Variants in SEMA5A observed in about 807,000 individuals in gnomAD.
SEMA5A encodes the protein semaphorin 5A.
SEMA5A carries 55 observed loss-of-function variants against 135.5 expected under a neutral mutation model. That is an observed-to-expected ratio of 0.41 (90% confidence interval 0.33 to 0.51). SEMA5A has a LOEUF of 0.51. SEMA5A is among the 20% of genes least tolerant of loss of function. The probability of loss-of-function intolerance (pLI) is 0.37; values close to 1 mark genes in which losing one functional copy is unlikely to be tolerated. For synonymous variants in SEMA5A, 580 were observed against 546.5 expected, an observed-to-expected ratio of 1.06 and a Z score of -0.85; for missense variants, 1,290 against 1,419.9, an observed-to-expected ratio of 0.91 and a Z score of 1.47.
At chr5:9,227,619 C>T (rs538374637) in intron 6 of SEMA5A, among the ~76,000 whole-genome samples, 2 of 142,682 alleles carry the variant, frequency 1.4e-5, no homozygotes, top group African/African-American at 2.6e-5. Flanking sequence ...GGTGCAAATT[C>T]GGCTCACTGC....
chr5:9,138,347 CTATA>C (rs1329775153), intron 12 of SEMA5A, among the ~76,000 whole-genome samples: 1 of 151,956 alleles, frequency 6.6e-6, no homozygotes, highest in Non-Finnish European at 1.5e-5. Context: ...GTACACATAT[CTATA>C]TATACATATA....
chr5:9,320,242 C>A (rs1752568446), intron 4 of SEMA5A, among the ~76,000 whole-genome samples: 1 of 152,232 alleles, frequency 6.6e-6, no homozygotes, highest in Non-Finnish European at 1.5e-5. Context: ...CCCAGAAGCA[C>A]TGCTTGGCAC....
rs1203106306 is a variant in SEMA5A, at chr5:9,134,077, C to T, written c.1599+2427G>A. On this transcript the variant is annotated intron_variant, in intron 13 of 22. Coordinates refer to ENST00000382496, the MANE Select transcript of SEMA5A (RefSeq NM_003966.3). ...ATGCTTGCTTCTTCTTCACTTTCTG[C>T]CATGATTGTAAGTTTTCTGAGGCCT... 1.3e-5 allele frequency among the ~76,000 whole-genome samples: 2 copies of T among 152,132 alleles called. 1 individual carries two copies. Among genetic ancestry groups the T allele is most frequent in the Middle Eastern group, 6.3e-3 (2 of 316 alleles).
chr5:9,195,362 G>A (rs1220373253), intron 10 of SEMA5A, among the ~76,000 whole-genome samples: 1 of 152,104 alleles, frequency 6.6e-6, no homozygotes, highest in Admixed American at 6.5e-5. Context: ...TGTAGAGACA[G>A]GGTCTCACTC....
chr5:9,047,476 T>G (rs1025747508), intron 21 of SEMA5A, among the ~76,000 whole-genome samples: 2 of 152,202 alleles, frequency 1.3e-5, no homozygotes, highest in African/African-American at 2.4e-5. Flanking sequence ...ATTTTCTGCA[T>G]GGGGAAAGCA....
At chr5:9,242,535 T>TGA (rs1366274956) in intron 5 of SEMA5A, among the ~76,000 whole-genome samples, 1 of 152,222 alleles carries the variant, frequency 6.6e-6, no homozygotes, top group African/African-American at 2.4e-5. Flanking sequence ...AAACATCTTA[T>TGA]GTTCTCACTG....
intron 5 of SEMA5A, among the ~76,000 whole-genome samples, chr5:9,313,212 T>C (rs527515580): frequency 3.3e-5 from 5 of 152,082 alleles, no homozygotes; most frequent in Admixed American, 2.0e-4. Flanking sequence ...GAGAAAAAAT[T>C]TGGGAGAGAG....
intron 4 of SEMA5A, among the ~76,000 whole-genome samples, chr5:9,324,348 G>A (rs371291125): frequency 6.6e-5 from 10 of 152,174 alleles, no homozygotes; most frequent in African/African-American, 1.2e-4. Flanking sequence ...GATTACAGGC[G>A]TGAGCCACCG....
intron 5 of SEMA5A, among the ~76,000 whole-genome samples, chr5:9,279,782 C>T (rs1172486957): frequency 6.6e-6 from 1 of 152,116 alleles, no homozygotes; most frequent in Non-Finnish European, 1.5e-5. Context: ...GAAAGACATG[C>T]TTGCTTTCCC....
intron 5 of SEMA5A, among the ~76,000 whole-genome samples, chr5:9,304,511 G>T (rs1490331943): frequency 2.5e-5 from 1 of 39,710 alleles, no homozygotes; most frequent in Non-Finnish European, 1.1e-4. Context: ...AAATCTGCAA[G>T]ATCTAAAATA....
chr5:9,274,356 C>CA (rs1750144601), intron 5 of SEMA5A, among the ~76,000 whole-genome samples: 1 of 152,040 alleles, frequency 6.6e-6, no homozygotes, highest in Non-Finnish European at 1.5e-5. Flanking sequence ...TAGAGACCTA[C>CA]AAAGAGACTT....
chr5:9,237,114 G>A (rs1747953203), intron 6 of SEMA5A, among the ~76,000 whole-genome samples: 1 of 152,110 alleles, frequency 6.6e-6, no homozygotes, highest in African/African-American at 2.4e-5. Context: ...GGAAGTCTGT[G>A]CTCCAATATA....
At chr5:9,224,915 G>T in intron 7 of SEMA5A, 28 bp from the exon 8 acceptor site, 3 of 1,588,904 alleles carry the variant, frequency 1.9e-6, no homozygotes, top group Non-Finnish European at 2.6e-6. Flanking sequence ...AGGGAAAGCA[G>T]TTATCTCTGC....
chr5:9,273,859 C>T (rs1000887432), intron 5 of SEMA5A, among the ~76,000 whole-genome samples: 2 of 152,020 alleles, frequency 1.3e-5, no homozygotes, highest in Non-Finnish European at 2.9e-5. Context: ...TGGAAAGGAA[C>T]AACCAGTACC....
At chr5:9,423,769 C>T (rs1757552417) in intron 2 of SEMA5A, among the ~76,000 whole-genome samples, 1 of 152,204 alleles carries the variant, frequency 6.6e-6, no homozygotes, top group Admixed American at 6.5e-5. Context: ...GGCTCTCTGG[C>T]CTGCATCACT....
chr5:9,346,832 G>T (rs2150740784), intron 3 of SEMA5A, among the ~76,000 whole-genome samples: 1 of 151,918 alleles, frequency 6.6e-6, no homozygotes, highest in East Asian at 1.9e-4. Context: ...GAAATATCTG[G>T]CTTCATACAC....
Position 9,458,793 on chromosome 5 carries a change from C to A in SEMA5A, c.-174-20941G>T, listed in dbSNP as rs552955774. 1.5e-4 allele frequency among the ~76,000 whole-genome samples: 23 copies of A among 152,304 alleles called. No individual in the cohort carries two copies. The South Asian group carries it at 3.7e-3, about 25-fold the overall frequency. ...GTATGAGCATCAATTTGGGAGGAAC[C>A]CAATGACAAACGACAGATACAAGTA... On this transcript the variant is annotated intron_variant, in intron 1 of 22. Coordinates refer to ENST00000382496, the MANE Select transcript of SEMA5A (RefSeq NM_003966.3).
intron 11 of SEMA5A, among the ~76,000 whole-genome samples, chr5:9,166,599 C>T (rs1743621916): frequency 6.6e-6 from 1 of 152,142 alleles, no homozygotes; most frequent in Non-Finnish European, 1.5e-5. Context: ...TGTACATATG[C>T]CAGGAGGAGA....
chr5:9,465,528 G>A (rs183600398), intron 1 of SEMA5A, among the ~76,000 whole-genome samples: 1 of 152,296 alleles, frequency 6.6e-6, no homozygotes, highest in Admixed American at 6.5e-5. Flanking sequence ...GTGCTGTAAG[G>A]CAAAACTTGA....
Sources: gnomAD v4.1 joint callset for allele counts (sites outside exome capture counted in the v4.1 genomes callset) on GRCh38, gnomAD v4.1.1 for gene constraint, MANE v1.5 for transcripts, NCBI Gene and HGNC (gene_info 2026-07-23, HGNC 2026-07-21) for gene names.